Variants in ARHGAP42 observed in about 807,000 individuals in gnomAD.
ARHGAP42 encodes Rho GTPase activating protein 42.
Under a neutral mutation model 125.0 loss-of-function variants are expected in ARHGAP42, and 63 were observed. The observed-to-expected ratio is 0.50, with a 90% confidence interval of 0.41 to 0.62. ARHGAP42 has a LOEUF of 0.62. Ranked by LOEUF, ARHGAP42 falls within the 20% of genes least tolerant of loss-of-function variation. The pLI is 0.00. For synonymous variants in ARHGAP42, 339 were observed against 351.0 expected, an observed-to-expected ratio of 0.97 and a Z score of 0.38; for missense variants, 766 against 1,024.2, an observed-to-expected ratio of 0.75 and a Z score of 3.44.
chr11:100,762,348 A>G (rs963573267), intron 1 of ARHGAP42, among the ~76,000 whole-genome samples: 3 of 152,174 alleles, frequency 2.0e-5, no homozygotes, highest in African/African-American at 7.2e-5. Flanking sequence ...TTTCAGGGGA[A>G]TGAAGAACAG....
intron 10 of ARHGAP42, among the ~76,000 whole-genome samples, chr11:100,946,620 G>T (rs890117494): frequency 6.0e-4 from 91 of 151,952 alleles, no homozygotes; most frequent in African/African-American, 2.2e-3. Flanking sequence ...GAAAGAGATG[G>T]GGAAATGGCC....
chr11:100,727,425 G>A (rs1453768987), intron 1 of ARHGAP42, among the ~76,000 whole-genome samples: 2 of 152,138 alleles, frequency 1.3e-5, no homozygotes, highest in Non-Finnish European at 2.9e-5. Flanking sequence ...GGTGATAGGA[G>A]CATCGTTTGT....
chr11:100,979,498 C>T (rs1565305119), intron 22 of ARHGAP42, among the ~76,000 whole-genome samples: 1 of 152,070 alleles, frequency 6.6e-6, no homozygotes, highest in Non-Finnish European at 1.5e-5. Context: ...TTTTAGAGTA[C>T]ATAATTTCAT....
At chr11:100,782,254 A>G (rs1360592054) in intron 2 of ARHGAP42, among the ~76,000 whole-genome samples, 2 of 152,224 alleles carry the variant, frequency 1.3e-5, no homozygotes, top group Non-Finnish European at 2.9e-5. Context: ...TCTAGCATCC[A>G]TATATGTGAT....
At chr11:100,952,876 T>A (rs1857701796) in intron 12 of ARHGAP42, among the ~76,000 whole-genome samples, 1 of 151,988 alleles carries the variant, frequency 6.6e-6, no homozygotes, top group Admixed American at 6.6e-5. Flanking sequence ...TACAGGCACA[T>A]GCCACCACGC....
At position 100,729,525 on chromosome 11, in the gene ARHGAP42, A is replaced by T. The variant is rs922360908; in HGVS notation, c.155-40818A>T. Among the ~76,000 whole-genome samples the T allele has an allele frequency of 2.0e-5, 3 of 152,202 alleles. No homozygotes were observed. The East Asian group carries it at 5.8e-4, about 29-fold the overall frequency. ...AGATTGAAATTTATATTTCTAGTCT[A>T]AGAAGATATTCTGCAATGCTTTGTC... On this transcript the variant is annotated intron_variant, in intron 1 of 23. Coordinates refer to ENST00000298815, the MANE Select transcript of ARHGAP42 (RefSeq NM_152432.4).
At chr11:100,859,236 T>C (rs1318818792) in intron 3 of ARHGAP42, 2 of 218,220 alleles carry the variant, frequency 9.2e-6, no homozygotes, top group African/African-American at 4.6e-5. Flanking sequence ...TAATTATAGG[T>C]ATTTGTAAAT....
At chr11:100,855,181 T>G (rs1388516334) in intron 3 of ARHGAP42, among the ~76,000 whole-genome samples, 1 of 152,148 alleles carries the variant, frequency 6.6e-6, no homozygotes, top group Admixed American at 6.6e-5. Flanking sequence ...AAATAGTACT[T>G]GAGAATATAT....
At chr11:100,799,721 A>T (rs1863807273) in intron 3 of ARHGAP42, among the ~76,000 whole-genome samples, 1 of 152,206 alleles carries the variant, frequency 6.6e-6, no homozygotes, top group Non-Finnish European at 1.5e-5. Flanking sequence ...ATTCTAGAAA[A>T]TATGACGGTT....
intron 4 of ARHGAP42, among the ~76,000 whole-genome samples, chr11:100,912,743 A>G (rs1866958234): frequency 6.6e-6 from 1 of 152,144 alleles, no homozygotes. Flanking sequence ...CTCCCTTCTC[A>G]GCTATTCCCC....
intron 21 of ARHGAP42, among the ~76,000 whole-genome samples, chr11:100,977,884 A>G (rs1026896739): frequency 2.7e-4 from 41 of 152,326 alleles, no homozygotes; most frequent in Admixed American, 1.2e-3. Context: ...TTATTCATTA[A>G]AAGTCCAGTA....
intron 1 of ARHGAP42, among the ~76,000 whole-genome samples, chr11:100,755,735 G>A (rs1214191509): frequency 6.6e-6 from 1 of 152,168 alleles, no homozygotes; most frequent in Non-Finnish European, 1.5e-5. Context: ...GGCCCTAGAT[G>A]TGCATGAATG....
intron 1 of ARHGAP42, among the ~76,000 whole-genome samples, chr11:100,763,278 G>C (rs1245853974): frequency 6.6e-6 from 1 of 151,902 alleles, no homozygotes; most frequent in East Asian, 1.9e-4. Context: ...ACTATGCCCA[G>C]CTGTTTATAG....
chr11:100,921,475 C>G lies in ARHGAP42; in HGVS notation c.487-19C>G. ...CTATGTAGAACCATCAGTAATCACC[C>G]TCTGGTTTTTCTCTTTAGGCAGATA... On this transcript the variant is annotated intron_variant, in intron 5 of 23. Transcript: ENST00000298815. The G allele has an allele frequency of 6.7e-7, 1 of 1,493,904 alleles. No individual in the cohort carries two copies. Among genetic ancestry groups the G allele is most frequent in the Non-Finnish European group, 9.1e-7 (1 of 1,102,212 alleles). 92.5% of individuals were successfully genotyped at this position (1,493,904 alleles called of 1,614,324 possible).
At position 100,943,957 on chromosome 11, in the gene ARHGAP42, G is replaced by A. The variant is rs145445691; in HGVS notation, c.1043+89G>A. On this transcript the variant is annotated intron_variant, in intron 10 of 23. Transcript: ENST00000298815. ...AATATAAACATGAAACAGCATTCAA[G>A]TGTTTTTTAGTCTTTTAAAAAACAG... is the stretch of plus-strand genomic sequence containing the variant. 823 of 830,232 alleles carry A rather than the reference G, an allele frequency of 9.9e-4. 5 individuals are homozygous for A. In the African/African-American group the frequency reaches 0.013, roughly 13 times the overall value. The allele number at this position is 830,232 out of a possible 1,614,324, so 51.4% of individuals were successfully genotyped here. A position where few individuals can be genotyped will look rare whatever the true frequency, so the allele number is the denominator to read the frequency against.
intron 1 of ARHGAP42, among the ~76,000 whole-genome samples, chr11:100,732,563 A>G (rs1394077074): frequency 2.0e-5 from 3 of 152,210 alleles, no homozygotes; most frequent in Non-Finnish European, 4.4e-5. Context: ...TAGATCTTCA[A>G]GCATATCAAC....
At chr11:100,860,138 A>G (rs574410638) in intron 4 of ARHGAP42, among the ~76,000 whole-genome samples, 1 of 152,190 alleles carries the variant, frequency 6.6e-6, no homozygotes, top group East Asian at 1.9e-4. Context: ...CCTCATTCTT[A>G]GAGCCATATT....
At chr11:100,753,695 C>T (rs1278273925) in intron 1 of ARHGAP42, among the ~76,000 whole-genome samples, 5 of 152,208 alleles carry the variant, frequency 3.3e-5, no homozygotes, top group African/African-American at 9.7e-5. Flanking sequence ...GTGCAAGGCT[C>T]TTCTTGCTGC....
At chr11:100,692,413 A>G (rs1420317509) in intron 1 of ARHGAP42, among the ~76,000 whole-genome samples, 1 of 152,202 alleles carries the variant, frequency 6.6e-6, no homozygotes, top group African/African-American at 2.4e-5. Context: ...TAGTTAATCT[A>G]ATGGATGATG....
Sources: gnomAD v4.1 joint callset for allele counts (sites outside exome capture counted in the v4.1 genomes callset) on GRCh38, gnomAD v4.1.1 for gene constraint, MANE v1.5 for transcripts, NCBI Gene and HGNC (gene_info 2026-07-23, HGNC 2026-07-21) for gene names.